The following HYAL4 variants were observed in gnomAD, a reference collection of about 807,000 sequenced individuals.
The protein encoded by HYAL4 is hyaluronidase-4.
Under a neutral mutation model 35.2 loss-of-function variants are expected in HYAL4, and 37 were observed. The observed-to-expected ratio is 1.05, with a 90% CI of 0.81 to 1.38. HYAL4 has a LOEUF of 1.38. Among genes scored for constraint, HYAL4 ranks in the 40% most tolerant of loss-of-function variants. HYAL4 has a pLI of 0.00. For missense variants in HYAL4, 572 were observed against 572.4 expected, an observed-to-expected ratio of 1.00 and a Z score of 0.01; for synonymous variants, 198 against 203.2, an observed-to-expected ratio of 0.97 and a Z score of 0.22.
At chr7:123,782,820 C>T in the HYAL4 span, among the ~76,000 whole-genome samples, 1 of 152,060 alleles carries the variant, frequency 6.6e-6, no homozygotes, top group South Asian at 2.1e-4. Context: ...TAGTGTAACT[C>T]ATTTCCTAAA....
chr7:123,869,301 T>C, intron 3 of HYAL4, 74 bp downstream of exon 3: 2 of 1,025,096 alleles, frequency 2.0e-6, no homozygotes, highest in Non-Finnish European at 2.8e-6. Flanking sequence ...TTAATTATGT[T>C]CTTTGAAGAA....
At chr7:123,798,036 A>G in the HYAL4 span, among the ~76,000 whole-genome samples, 8 of 152,268 alleles carry the variant, frequency 5.3e-5, no homozygotes, top group African/African-American at 1.9e-4. Context: ...ACTTCCTTAC[A>G]TTTCCTAAAG....
upstream of HYAL4, among the ~76,000 whole-genome samples, chr7:123,825,770 G>T (rs1805796346): frequency 6.6e-6 from 1 of 152,010 alleles, no homozygotes; most frequent in African/African-American, 2.4e-5. Context: ...AGGCTTGTCA[G>T]ATATAAATGT....
the HYAL4 span, among the ~76,000 whole-genome samples, chr7:123,821,426 ACC>A: frequency 6.6e-6 from 1 of 151,972 alleles, no homozygotes. Context: ...CTTTTCATAT[ACC>A]TGTTAGCTCT....
At chr7:123,843,094 C>A (rs1037063262), upstream of HYAL4, among the ~76,000 whole-genome samples, 4 of 151,972 alleles carry the variant, frequency 2.6e-5, no homozygotes, top group Non-Finnish European at 5.9e-5. Flanking sequence ...TTCATAGCAT[C>A]GATGGTCTTT....
At chr7:123,852,803 A>G (rs1343901510) in intron 2 of HYAL4, among the ~76,000 whole-genome samples, 2 of 152,222 alleles carry the variant, frequency 1.3e-5, no homozygotes, top group Admixed American at 1.3e-4. Flanking sequence ...TGGGAATAGC[A>G]TTGAATCTAT....
At chr7:123,811,087 C>T in the HYAL4 span, among the ~76,000 whole-genome samples, 3 of 152,132 alleles carry the variant, frequency 2.0e-5, no homozygotes, top group African/African-American at 4.8e-5. Context: ...TATCTACTCA[C>T]CTACTGAAGG....
intron 1 of HYAL4, among the ~76,000 whole-genome samples, chr7:123,832,733 C>T (rs1335245891): frequency 1.3e-5 from 2 of 151,856 alleles, no homozygotes; most frequent in Non-Finnish European, 2.9e-5. Context: ...GATCTCCAGA[C>T]CTCATGATCT....
chr7:123,820,491 G>A, the HYAL4 span, among the ~76,000 whole-genome samples: 1 of 151,712 alleles, frequency 6.6e-6, no homozygotes, highest in Admixed American at 6.6e-5. Flanking sequence ...GCTGAGGCAG[G>A]AGAGTCGCTT....
At chr7:123,831,122 A>G (rs903511835) in intron 1 of HYAL4, among the ~76,000 whole-genome samples, 4 of 152,238 alleles carry the variant, frequency 2.6e-5, no homozygotes, top group African/African-American at 9.6e-5. Flanking sequence ...GATCCCTCAC[A>G]AAGGGCTTAG....
chr7:123,844,340 A>G (rs56259222), upstream of HYAL4: 4,464 of 152,352 alleles, frequency 0.029, 87 homozygotes, highest in Middle Eastern at 0.068. Context: ...CAGAACCGCA[A>G]GTATTGCAGA....
intron 4 of HYAL4, chr7:123,875,981 T>A: frequency 2.2e-6 from 1 of 456,408 alleles, no homozygotes; most frequent in South Asian, 1.6e-5. Flanking sequence ...TGCCCACATA[T>A]GAGAATTAGG....
At chr7:123,863,322 C>CTA (rs1806617160) in intron 2 of HYAL4, among the ~76,000 whole-genome samples, 1 of 149,092 alleles carries the variant, frequency 6.7e-6, no homozygotes, top group East Asian at 1.9e-4. Context: ...AGAATGAACA[C>CTA]TAAGTGCCTC....
At chr7:123,869,686 G>GTTT (rs113461247) in intron 3 of HYAL4, among the ~76,000 whole-genome samples, 2 of 141,060 alleles carry the variant, frequency 1.4e-5, no homozygotes, top group Admixed American at 7.0e-5. Context: ...TCTTTGTTTT[G>GTTT]TTTTTTTTTT....
chr7:123,823,744 T>TACAC, the HYAL4 span, among the ~76,000 whole-genome samples: 1 of 112,952 alleles, frequency 8.9e-6, no homozygotes, highest in East Asian at 2.2e-4. Context: ...TATATATATA[T>TACAC]ACACACACAC....
At chr7:123,875,980 A>G (rs1303581046) in intron 4 of HYAL4, 1 of 456,300 alleles carries the variant, frequency 2.2e-6, no homozygotes, top group East Asian at 7.0e-5. Context: ...ATGCCCACAT[A>G]TGAGAATTAG....
chr7:123,798,995 A>G, the HYAL4 span, among the ~76,000 whole-genome samples: 118 of 152,308 alleles, frequency 7.7e-4, 2 homozygotes, highest in Non-Finnish European at 2.9e-5. Context: ...GAGGAGTGCC[A>G]TGATCTGACT....
chr7:123,775,961 G>GA, the HYAL4 span, among the ~76,000 whole-genome samples: 1 of 152,140 alleles, frequency 6.6e-6, no homozygotes, highest in Non-Finnish European at 1.5e-5. Flanking sequence ...TAGCCATCTG[G>GA]AAAATCAGAG....
At chr7:123,803,050 GC>G in the HYAL4 span, among the ~76,000 whole-genome samples, 1 of 152,228 alleles carries the variant, frequency 6.6e-6, no homozygotes, top group East Asian at 1.9e-4. Context: ...AAGTTGAGAG[GC>G]TGTACCATCC....
Sources: gnomAD v4.1 joint callset for allele counts (sites outside exome capture counted in the v4.1 genomes callset) on GRCh38, gnomAD v4.1.1 for gene constraint, MANE v1.5 for transcripts, NCBI Gene and HGNC (gene_info 2026-07-23, HGNC 2026-07-21) for gene names.